The following PARG variants were observed in gnomAD, a reference collection of about 807,000 sequenced individuals.
PARG encodes the protein mitochondrial poly(ADP-ribose) glycohydrolase.
A neutral mutation model predicts 113.0 loss-of-function variants in PARG; 35 were observed. The observed-to-expected ratio is 0.31, with a 90% CI of 0.24 to 0.41. PARG has a LOEUF of 0.41. PARG is among the 10% of genes least tolerant of loss of function. The probability of loss-of-function intolerance (pLI) is 1.00; values close to 1 mark genes in which losing one functional copy is unlikely to be tolerated. For synonymous variants in PARG, 330 were observed against 409.9 expected (o/e 0.81, Z 2.36); for missense variants, 797 against 1,169.4 (o/e 0.68, Z 4.64).
intron 8 of PARG, among the ~76,000 whole-genome samples, chr10:49,883,137 A>T (rs1847294812): frequency 6.6e-6 from 1 of 152,226 alleles, no homozygotes; most frequent in East Asian, 1.9e-4. Flanking sequence ...ACACTGGAAA[A>T]CATTTCATGG....
rs1838629243 is a variant in PARG at position 49,934,151 on chromosome 10, T to C, written c.297A>G (p.Lys99=). The change falls in exon 3 of 18, where the codon AAA becomes AAG. Residue 99 remains lysine, a synonymous_variant. Transcript: ENST00000616448. ...ATTCTATTCTTGTATTGTTGTTTTC[T>C]TTACTATCCAAACTACAAGAGAACA... The part of the protein sequence containing the change: ...KTAESESLDS[K]ENNNTRIESM... 3 of 1,059,310 alleles carry C rather than the reference T, an allele frequency of 2.8e-6. No individual in the cohort carries two copies. The highest frequency in any genetic ancestry group is 4.4e-6 in the Non-Finnish European group (3 of 675,314). 65.6% of individuals were successfully genotyped at this position (1,059,310 alleles called of 1,614,324 possible).
intron 14 of PARG, among the ~76,000 whole-genome samples, chr10:49,842,688 C>T (rs1221935250): frequency 6.6e-6 from 1 of 152,144 alleles, no homozygotes; most frequent in Non-Finnish European, 1.5e-5. Context: ...TGTAAAATCC[C>T]AAATATTTAA....
intron 15 of PARG, 147 bp from the exon 16 acceptor site, chr10:49,833,055 CAA>C (rs1296952846): frequency 2.1e-6 from 1 of 466,684 alleles, no homozygotes; most frequent in Non-Finnish European, 3.9e-6. Flanking sequence ...GAGGGAAAAA[CAA>C]AGAGGGAGAA....
At chr10:49,850,969 A>G (rs1845734478) in intron 13 of PARG, among the ~76,000 whole-genome samples, 1 of 152,124 alleles carries the variant, frequency 6.6e-6, no homozygotes, top group South Asian at 2.1e-4. Flanking sequence ...TGAAAATATA[A>G]AGGTAAACTG....
At chr10:49,866,380 A>G (rs1846515428) in intron 10 of PARG, among the ~76,000 whole-genome samples, 1 of 152,132 alleles carries the variant, frequency 6.6e-6, no homozygotes, top group African/African-American at 2.4e-5. Context: ...CTCAGTCAAA[A>G]GCAGGAAACA....
At chr10:49,827,374 T>C (rs542218806) in intron 16 of PARG, among the ~76,000 whole-genome samples, 2 of 152,356 alleles carry the variant, frequency 1.3e-5, no homozygotes, top group South Asian at 2.1e-4. Flanking sequence ...AGACACATTT[T>C]AATGATAGTA....
intron 15 of PARG, among the ~76,000 whole-genome samples, chr10:49,838,371 C>T (rs1845052109): frequency 7.8e-6 from 1 of 128,942 alleles, no homozygotes; most frequent in Non-Finnish European, 1.5e-5. Context: ...GTGGAGGTTG[C>T]AATGAGCCGA....
chr10:49,880,233 ATCTT>A (rs1320112079), intron 8 of PARG, among the ~76,000 whole-genome samples: 6 of 152,266 alleles, frequency 3.9e-5, no homozygotes, highest in African/African-American at 7.2e-5. Context: ...GGCCAGAATA[ATCTT>A]TCTTAGTCCT....
At chr10:49,820,963 T>C (rs1225412846) in intron 16 of PARG, among the ~76,000 whole-genome samples, 4 of 152,186 alleles carry the variant, frequency 2.6e-5, no homozygotes, top group African/African-American at 9.7e-5. Context: ...CTGTGTCTTA[T>C]CACACAGCCA....
At chr10:49,894,713 T>G (rs2664492) in intron 7 of PARG, among the ~76,000 whole-genome samples, 4 of 152,248 alleles carry the variant, frequency 2.6e-5, no homozygotes, top group Non-Finnish European at 5.9e-5. Flanking sequence ...CTGGGTTTAC[T>G]ACTTCGTTCC....
chr10:49,869,638 A>C (rs1375148085), intron 9 of PARG, 83 bp from the exon 10 acceptor site: 15 of 649,618 alleles, frequency 2.3e-5, no homozygotes, highest in Non-Finnish European at 4.2e-5. Context: ...ATTGCTACCA[A>C]GTAATACAAA....
chr10:49,869,168 T>C (rs1462918673), intron 10 of PARG, among the ~76,000 whole-genome samples: 1 of 150,820 alleles, frequency 6.6e-6, no homozygotes, highest in Non-Finnish European at 1.5e-5. Flanking sequence ...GCATCCAAAA[T>C]TTATTTCCTG....
intron 7 of PARG, among the ~76,000 whole-genome samples, chr10:49,912,451 T>G (rs1393126594): frequency 7.1e-6 from 1 of 141,162 alleles, no homozygotes. Flanking sequence ...GATCACGAGG[T>G]CAAGAGATCG....
intron 7 of PARG, among the ~76,000 whole-genome samples, chr10:49,913,392 G>C (rs1477715772): frequency 6.6e-6 from 1 of 152,168 alleles, no homozygotes; most frequent in Non-Finnish European, 1.5e-5. Context: ...TTATCAATTT[G>C]ATGGAATATT....
intron 7 of PARG, among the ~76,000 whole-genome samples, chr10:49,889,587 G>C (rs1847667459): frequency 2.0e-5 from 3 of 152,160 alleles, no homozygotes; most frequent in African/African-American, 7.2e-5. Context: ...TCTTATGTTT[G>C]TTTTACATAC....
rs1441434628 is a variant in PARG at position 49,837,395 on chromosome 10, TATAC to T, written c.2542-4491_2542-4488del. 1.5e-4 allele frequency among the ~76,000 whole-genome samples: 20 copies of T among 136,652 alleles called. No homozygotes were observed. In the South Asian group the frequency reaches 2.7e-3, roughly 18 times the overall value. The allele number at this position is 136,652 out of a possible 152,430, so 89.6% of individuals were successfully genotyped here. ...TCCTCCTTTCTCTCTGGCATGCATATATACACACACACACACACACACAAGCAGA... is the reference window on the plus strand; with the variant it reads ...TCCTCCTTTCTCTCTGGCATGCATATACACACACACACACACACAAGCAGA... On this transcript the variant is annotated intron_variant, in intron 15 of 17. Transcript: ENST00000616448.
intron 8 of PARG, among the ~76,000 whole-genome samples, chr10:49,884,447 A>G (rs1564631297): frequency 6.6e-6 from 1 of 152,204 alleles, no homozygotes; most frequent in Non-Finnish European, 1.5e-5. Context: ...AAAAGTACAA[A>G]AAGTAGCCAG....
chr10:49,912,266 C>T (rs1402112051), intron 7 of PARG, among the ~76,000 whole-genome samples: 11 of 152,034 alleles, frequency 7.2e-5, no homozygotes, highest in African/African-American at 2.4e-4. Context: ...TGCCATTGCA[C>T]TCCAGCCTGG....
chr10:49,884,567 T>A (rs557951511), intron 8 of PARG, among the ~76,000 whole-genome samples: 2 of 152,216 alleles, frequency 1.3e-5, no homozygotes, highest in East Asian at 3.9e-4. Flanking sequence ...GCCATCGCAC[T>A]CCAAAAAAAG....
Sources: allele counts gnomAD v4.1 joint callset (sites outside exome capture counted in the v4.1 genomes callset), GRCh38; gene constraint gnomAD v4.1.1; transcripts MANE v1.5; gene names NCBI Gene and HGNC (gene_info 2026-07-23, HGNC 2026-07-21).